Variants in DOCK3 observed in about 807,000 individuals in gnomAD.
DOCK3 encodes the protein dedicator of cytokinesis 3.
A neutral mutation model predicts 265.6 loss-of-function variants in DOCK3; 60 were observed. The observed-to-expected ratio is 0.23, with a 90% CI of 0.18 to 0.28. The LOEUF (loss-of-function observed/expected upper bound fraction) is 0.28, where lower values mean the gene tolerates loss of function less well. DOCK3 is among the 10% of genes least tolerant of loss of function. DOCK3 has a pLI of 1.00. For missense variants in DOCK3, 1,981 were observed against 2,594.3 expected, an observed-to-expected ratio of 0.76 and a Z score of 5.14; for synonymous variants, 881 against 938.0, an observed-to-expected ratio of 0.94 and a Z score of 1.11.
intron 1 of DOCK3, among the ~76,000 whole-genome samples, chr3:50,707,142 T>C (rs778407014): frequency 1.3e-5 from 2 of 152,186 alleles, no homozygotes; most frequent in Non-Finnish European, 2.9e-5. Flanking sequence ...GAAGCAGATG[T>C]TGCCATGCTT....
chr3:50,977,411 T>G (rs2077496094), intron 5 of DOCK3, among the ~76,000 whole-genome samples: 1 of 152,172 alleles, frequency 6.6e-6, no homozygotes, highest in Admixed American at 6.5e-5. Context: ...GAAGCTTAGT[T>G]TGGCTGGATA....
intron 21 of DOCK3, among the ~76,000 whole-genome samples, chr3:51,243,884 A>G (rs2078715486): frequency 6.6e-6 from 1 of 152,184 alleles, no homozygotes; most frequent in African/African-American, 2.4e-5. Context: ...TATATTGTAT[A>G]AGATAAGTGT....
intron 49 of DOCK3, among the ~76,000 whole-genome samples, chr3:51,365,054 A>C (rs1006187099): frequency 6.6e-6 from 1 of 152,180 alleles, no homozygotes; most frequent in Non-Finnish European, 1.5e-5. Context: ...ATGGCATTGA[A>C]TCTATAAATT....
chr3:51,002,357 A>G (rs1025654542), intron 5 of DOCK3, among the ~76,000 whole-genome samples: 3 of 152,098 alleles, frequency 2.0e-5, no homozygotes, highest in Non-Finnish European at 4.4e-5. Flanking sequence ...CCTTTGCCAG[A>G]TATTTGATTT....
chr3:50,925,692 A>G (rs1052387386), intron 4 of DOCK3, among the ~76,000 whole-genome samples: 9 of 152,208 alleles, frequency 5.9e-5, no homozygotes, highest in African/African-American at 1.7e-4. Flanking sequence ...TTGTTTTGAA[A>G]GAAAACTTAC....
At chr3:51,190,896 C>T (rs2087899991) in intron 12 of DOCK3, among the ~76,000 whole-genome samples, 1 of 152,160 alleles carries the variant, frequency 6.6e-6, no homozygotes, top group Non-Finnish European at 1.5e-5. Context: ...CTGTGGAGAT[C>T]ACCACCTCTG....
chr3:51,367,234 C>T (rs993963426), intron 49 of DOCK3, among the ~76,000 whole-genome samples: 1 of 152,094 alleles, frequency 6.6e-6, no homozygotes, highest in African/African-American at 2.4e-5. Context: ...ATCCCTTTAC[C>T]GTTATGTAAT....
At chr3:51,184,924 C>G (rs1436004375) in intron 12 of DOCK3, among the ~76,000 whole-genome samples, 2 of 152,172 alleles carry the variant, frequency 1.3e-5, no homozygotes, top group African/African-American at 4.8e-5. Context: ...GAGACTTCAT[C>G]TCTGTGATCT....
rs538067676 is a variant in DOCK3, at chr3:51,224,124, AC to A, written c.1253-1523del. ...CACATTTTCTTCTTCCTTCATGGTA[AC>A]CTCAAGGTTGCTTGTTTAGGAAAGA... On this transcript the variant is annotated intron_variant, in intron 14 of 52. Coordinates refer to ENST00000266037, the MANE Select transcript of DOCK3 (RefSeq NM_004947.5). Among the ~76,000 whole-genome samples the A allele has an allele frequency of 3.9e-5, 6 of 152,336 alleles. No individual in the cohort carries two copies. In the South Asian group the frequency reaches 8.3e-4, roughly 21 times the overall value.
intron 27 of DOCK3, among the ~76,000 whole-genome samples, chr3:51,294,392 C>T (rs1161859121): frequency 6.6e-6 from 1 of 152,040 alleles, no homozygotes; most frequent in Admixed American, 6.5e-5. Context: ...AAAAATTGAA[C>T]TCGAGGCTGG....
intron 2 of DOCK3, among the ~76,000 whole-genome samples, chr3:50,815,012 A>G (rs1373801467): frequency 2.6e-5 from 4 of 151,976 alleles, no homozygotes; most frequent in Middle Eastern, 3.2e-3. Context: ...TTTAGTGGAG[A>G]TGGGGTTTCA....
chr3:51,311,925 C>T, intron 28 of DOCK3, 79 bp from the exon 29 acceptor site: 1 of 1,073,988 alleles, frequency 9.3e-7, no homozygotes, highest in South Asian at 1.5e-5. Flanking sequence ...TGCACACAGG[C>T]TATAGACAGC....
intron 7 of DOCK3, among the ~76,000 whole-genome samples, chr3:51,086,552 C>G (rs1166546408): frequency 6.6e-6 from 1 of 152,242 alleles, no homozygotes; most frequent in Non-Finnish European, 1.5e-5. Context: ...AGTCCCAGCA[C>G]TTTGGGAGGC....
intron 5 of DOCK3, among the ~76,000 whole-genome samples, chr3:51,046,665 T>C (rs571505211): frequency 1.3e-5 from 2 of 152,230 alleles, no homozygotes; most frequent in South Asian, 4.1e-4. Flanking sequence ...CTTTCAATAA[T>C]GGATAGATCA....
chr3:50,722,054 G>C (rs7650574), intron 1 of DOCK3, among the ~76,000 whole-genome samples: 137,772 of 152,136 alleles, frequency 0.91, 62,538 homozygotes, highest in African/African-American at 0.95. Context: ...GTGGGGCAAC[G>C]CTTAAGATTC....
At chr3:50,778,647 A>T in intron 1 of DOCK3, 28 bp from the exon 2 acceptor site, 1 of 1,535,306 alleles carries the variant, frequency 6.5e-7, no homozygotes, top group Non-Finnish European at 8.9e-7. Flanking sequence ...AAAAATGCTA[A>T]TTGGTGTGTT....
intron 5 of DOCK3, among the ~76,000 whole-genome samples, chr3:51,052,805 C>A (rs1393094887): frequency 6.6e-6 from 1 of 151,904 alleles, no homozygotes; most frequent in Admixed American, 6.6e-5. Flanking sequence ...CAGAGCTTTC[C>A]ATAGGGTATT....
intron 2 of DOCK3, among the ~76,000 whole-genome samples, chr3:50,814,057 T>C (rs2043921224): frequency 1.3e-5 from 2 of 152,254 alleles, no homozygotes; most frequent in Admixed American, 1.3e-4. Context: ...ATTATAATAC[T>C]AATACTAATA....
At chr3:51,282,076 C>T (rs149699247) in intron 27 of DOCK3, among the ~76,000 whole-genome samples, 93 of 152,192 alleles carry the variant, frequency 6.1e-4, no homozygotes, top group African/African-American at 2.0e-3. Context: ...TTGGCTGGAA[C>T]GGGACCTCAC....
Sources: allele counts gnomAD v4.1 joint callset (sites outside exome capture counted in the v4.1 genomes callset), GRCh38; gene constraint gnomAD v4.1.1; transcripts MANE v1.5; gene names NCBI Gene and HGNC (gene_info 2026-07-23, HGNC 2026-07-21).